Variants in FOXK1 observed in about 807,000 individuals in gnomAD.
The protein encoded by FOXK1 is forkhead box protein K1.
A neutral mutation model predicts 51.9 loss-of-function variants in FOXK1; 19 were observed. The observed-to-expected ratio is 0.37, with a 90% CI of 0.26 to 0.54. The LOEUF (loss-of-function observed/expected upper bound fraction) is 0.54. FOXK1 is among the 20% of genes least tolerant of loss of function. The pLI is 0.87. For synonymous variants in FOXK1, 537 were observed against 482.6 expected (o/e 1.11, Z -1.48); for missense variants, 870 against 1,032.7 (o/e 0.84, Z 2.16).
intron 1 of FOXK1, among the ~76,000 whole-genome samples, chr7:4,713,055 C>T (rs1430084204): frequency 6.6e-6 from 1 of 152,200 alleles, no homozygotes; most frequent in African/African-American, 2.4e-5. Flanking sequence ...GCCGATAACT[C>T]CACATCTGGA....
chr7:4,683,833 G>T lies in FOXK1; in HGVS notation c.560+965G>T, dbSNP rs1422832904. ...AGGGTGTTGCTCCGGGAAGTGCGAGGTCCCTAGGAGTGTGGGCTGTGCTGA... is the reference window on the plus strand; with the variant it reads ...AGGGTGTTGCTCCGGGAAGTGCGAGTTCCCTAGGAGTGTGGGCTGTGCTGA... On this transcript the variant is annotated intron_variant, in intron 1 of 8. Transcript: ENST00000328914. This position sits in a 1 kb window ranked among gnomAD's most constrained non-coding sequence, Gnocchi z 4.5. Among the ~76,000 whole-genome samples, 1 of 152,202 alleles carries T rather than the reference G, an allele frequency of 6.6e-6. No individual in the cohort carries two copies. Among genetic ancestry groups the T allele is most frequent in the Admixed American group, 6.5e-5 (1 of 15,274 alleles).
rs1185195256 is a variant in FOXK1 at position 4,759,186 on chromosome 7, C to T, written c.1380C>T (p.Val460=). Residue 460 remains valine (V), a synonymous_variant, in exon 6 of 9, where the codon GTC becomes GTT. Coordinates refer to ENST00000328914, the MANE Select transcript of FOXK1 (RefSeq NM_001037165.2). ...DPEFGSKLAS[V]PEYRYSQSAP... is the part of the protein sequence containing the mutation. ...AGTTTGGGTCCAAGTTAGCTTCTGT[C>T]CCAGAGTACCGGTATTCCCAAAGCG... is the stretch of plus-strand genomic sequence containing the variant. 1.2e-6 allele frequency: 2 copies of T among 1,612,752 alleles called. No individual in the cohort carries two copies. The highest frequency in any genetic ancestry group is 8.5e-7 in the Non-Finnish European group (1 of 1,179,878).
At chr7:4,700,816 C>CA (rs1313841335) in intron 1 of FOXK1, among the ~76,000 whole-genome samples, 2 of 152,086 alleles carry the variant, frequency 1.3e-5, no homozygotes, top group African/African-American at 2.4e-5. Flanking sequence ...GACCCTGTCT[C>CA]AAAAAACAAA....
In FOXK1 at chr7:4,733,884, C is replaced by G. The variant is rs1198151414; in HGVS notation, c.561-6954C>G. ...GACATCCTCTCTCTGGCCGTCATAG[C>G]CAGCGCCATGGGATTGGGGAAGCCA... On this transcript the variant is annotated intron_variant, in intron 1 of 8. Coordinates refer to ENST00000328914, the MANE Select transcript of FOXK1 (RefSeq NM_001037165.2). The surrounding 1 kb of genome is among the most constrained non-coding windows in gnomAD (Gnocchi z 5.0). 6.6e-6 allele frequency among the ~76,000 whole-genome samples: 1 copy of G among 152,200 alleles called. No homozygotes were observed. The highest frequency in any genetic ancestry group is 1.5e-5 in the Non-Finnish European group (1 of 68,038).
chr7:4,686,282 G>A (rs1224334968), intron 1 of FOXK1, among the ~76,000 whole-genome samples: 2 of 152,192 alleles, frequency 1.3e-5, no homozygotes, highest in Non-Finnish European at 1.5e-5. Context: ...CCAAAGCTGT[G>A]TTGTCCGGGG....
chr7:4,736,091 G>C (rs1780549023), intron 1 of FOXK1, among the ~76,000 whole-genome samples: 1 of 152,128 alleles, frequency 6.6e-6, no homozygotes, highest in African/African-American at 2.4e-5. Context: ...GGAGGTTGCA[G>C]TGAGCCGAGA....
rs1780856197 is a variant in FOXK1, at chr7:4,756,636, A to G, written c.1051-358A>G. 6.6e-6 allele frequency among the ~76,000 whole-genome samples: 1 copy of G among 151,720 alleles called. No individual in the cohort carries two copies. The highest frequency in any genetic ancestry group is 1.5e-5 in the Non-Finnish European group (1 of 67,912). On this transcript the variant is annotated intron_variant, in intron 4 of 8. Coordinates refer to ENST00000328914, the MANE Select transcript of FOXK1 (RefSeq NM_001037165.2). This position sits in a 1 kb window ranked among gnomAD's most constrained non-coding sequence, Gnocchi z 4.1. ...AAAAATCAACCCAGCATGGTGGCCC[A>G]CGCCCATAGTCCCAGCTAGTCAGGA... is the stretch of plus-strand genomic sequence containing the variant.
In FOXK1 at chr7:4,715,478, G is replaced by T. The variant is rs1046170934; in HGVS notation, c.561-25360G>T. ...GGGGGTTGGCTGGAACTCGGGCCCC[G>T]CTGGCCGGCGGTAGGAGCTGGAATG... is the stretch of plus-strand genomic sequence containing the variant. On this transcript the variant is annotated intron_variant, in intron 1 of 8. Transcript: ENST00000328914. The surrounding 1 kb of genome is among the most constrained non-coding windows in gnomAD (Gnocchi z 4.5). 6.6e-6 allele frequency among the ~76,000 whole-genome samples: 1 copy of T among 152,182 alleles called. No individual in the cohort carries two copies. The highest frequency in any genetic ancestry group is 2.4e-5 in the African/African-American group (1 of 41,434).
intron 1 of FOXK1, among the ~76,000 whole-genome samples, chr7:4,738,491 C>T (rs575660502): frequency 2.6e-5 from 4 of 151,832 alleles, no homozygotes; most frequent in South Asian, 4.2e-4. Context: ...AGTCAAAATA[C>T]TGATGCAGGA....
chr7:4,740,171 C>A (rs1320615623), intron 1 of FOXK1, among the ~76,000 whole-genome samples: 1 of 152,176 alleles, frequency 6.6e-6, no homozygotes, highest in Non-Finnish European at 1.5e-5. Flanking sequence ...TGGCTCACGC[C>A]TGTAATCCCA....
chr7:4,766,702 C>T lies in FOXK1; in HGVS notation c.*4238C>T, dbSNP rs1487108764. ...CCGAAGCCCCCAAGAAGTTTTGAGC[C>T]CAGCTGGGCCTCGCCTCCCCGGCTC... On this transcript the variant is annotated 3_prime_UTR_variant, in exon 9 of 9. Coordinates refer to ENST00000328914, the MANE Select transcript of FOXK1 (RefSeq NM_001037165.2). The surrounding 1 kb of genome is among the most constrained non-coding windows in gnomAD (Gnocchi z 5.5). 1 of 152,286 alleles carries T rather than the reference C, an allele frequency of 6.6e-6. No homozygotes were observed. The highest frequency in any genetic ancestry group is 2.4e-5 in the African/African-American group (1 of 41,440). 9.4% of individuals were successfully genotyped at this position (152,286 alleles called of 1,614,324 possible). A position where few individuals can be genotyped will look rare whatever the true frequency, so the allele number is the denominator to read the frequency against.
chr7:4,682,526 G>GCTCCTCCGGGGT lies in FOXK1; in HGVS notation c.219_230dup (p.Ser75_Ser78dup), dbSNP rs1436198412. 15 of 1,109,108 alleles carry GCTCCTCCGGGGT rather than the reference G, an allele frequency of 1.4e-5. No individual in the cohort carries two copies. The Admixed American group carries it at 4.6e-4, about 34-fold the overall frequency. 68.7% of individuals were successfully genotyped at this position (1,109,108 alleles called of 1,614,324 possible). On this transcript the variant is annotated inframe_insertion, in exon 1 of 9. Coordinates refer to ENST00000328914, the MANE Select transcript of FOXK1 (RefSeq NM_001037165.2). This position sits in a 1 kb window ranked among gnomAD's most constrained non-coding sequence, Gnocchi z 7.6. ...ATCGCGGGCGCGGGCTCCTCCGGGG[G>GCTCCTCCGGGGT]CTCCTCCGGGGTATCCGGGGACTCC... is the stretch of plus-strand genomic sequence containing the variant.
chr7:4,725,018 C>G (rs1298863384), intron 1 of FOXK1, among the ~76,000 whole-genome samples: 1 of 152,244 alleles, frequency 6.6e-6, no homozygotes, highest in East Asian at 1.9e-4. Context: ...CCTCCTAACC[C>G]TGCCTGCTGC....
intron 5 of FOXK1, among the ~76,000 whole-genome samples, chr7:4,757,634 C>CAAAAAA (rs59200954): frequency 2.3e-3 from 47 of 20,166 alleles, no homozygotes; most frequent in African/African-American, 3.2e-3. Flanking sequence ...AACTCCGTCT[C>CAAAAAA]AAAAAAAAAA....
At chr7:4,737,260 G>T (rs1780564888) in intron 1 of FOXK1, among the ~76,000 whole-genome samples, 1 of 152,230 alleles carries the variant, frequency 6.6e-6, no homozygotes, top group Non-Finnish European at 1.5e-5. Flanking sequence ...AAAGTCAGAG[G>T]TCTCAACTGT....
At chr7:4,689,980 G>A (rs1053580101) in intron 1 of FOXK1, among the ~76,000 whole-genome samples, 5 of 152,204 alleles carry the variant, frequency 3.3e-5, no homozygotes, top group African/African-American at 1.2e-4. Context: ...TCTTTCCAGC[G>A]AGTAGACGTG....
intron 1 of FOXK1, among the ~76,000 whole-genome samples, chr7:4,689,248 G>A (rs1238104390): frequency 1.3e-5 from 2 of 152,144 alleles, no homozygotes; most frequent in Admixed American, 6.5e-5. Context: ...AGAGTGCCGG[G>A]ATTGCAGATG....
rs1393129605 is a variant in FOXK1, at chr7:4,709,571, G to C, written c.560+26703G>C. 6.6e-6 allele frequency among the ~76,000 whole-genome samples: 1 copy of C among 152,212 alleles called. No individual in the cohort carries two copies. The highest frequency in any genetic ancestry group is 1.5e-5 in the Non-Finnish European group (1 of 68,028). Reference sequence around the variant, plus strand: ...TCTCCGGGAGCCCTGTGCACAGTTGGCTTCGCAGCAGGCCTGTGTGGTCTG... The same window carrying C: ...TCTCCGGGAGCCCTGTGCACAGTTGCCTTCGCAGCAGGCCTGTGTGGTCTG... On this transcript the variant is annotated intron_variant, in intron 1 of 8. Coordinates refer to ENST00000328914, the MANE Select transcript of FOXK1 (RefSeq NM_001037165.2). The surrounding 1 kb of genome is among the most constrained non-coding windows in gnomAD (Gnocchi z 5.6).
At chr7:4,697,184 C>G (rs150724264) in intron 1 of FOXK1, among the ~76,000 whole-genome samples, 8 of 152,298 alleles carry the variant, frequency 5.3e-5, no homozygotes, top group African/African-American at 1.9e-4. Context: ...CTGTCTGCAT[C>G]TGGAGGAAAA....
Sources: allele counts gnomAD v4.1 joint callset (sites outside exome capture counted in the v4.1 genomes callset), GRCh38; gene constraint gnomAD v4.1.1; non-coding constraint Gnocchi (gnomAD v3.1); transcripts MANE v1.5; gene names NCBI Gene and HGNC (gene_info 2026-07-23, HGNC 2026-07-21).